SLC16A12: variants seen among roughly 807,000 people sequenced by gnomAD.
SLC16A12 encodes the protein monocarboxylate transporter 12.
A neutral mutation model predicts 42.4 loss-of-function variants in SLC16A12; 17 were observed. The ratio of observed to expected loss-of-function variants is 0.40; its 90% CI spans 0.27 to 0.60. The LOEUF is 0.60. Among genes scored for constraint, SLC16A12 ranks in the 20% least tolerant of loss-of-function variants. SLC16A12 has a pLI of 0.42. For synonymous variants in SLC16A12, 224 were observed against 229.4 expected (o/e 0.98, Z 0.21); for missense variants, 544 against 623.0 (o/e 0.87, Z 1.35).
intron 2 of SLC16A12, among the ~76,000 whole-genome samples, chr10:89,551,433 AC>A (rs1817550391): frequency 6.6e-6 from 1 of 152,036 alleles, no homozygotes; most frequent in Admixed American, 6.6e-5. Flanking sequence ...ATAGAGTGAG[AC>A]CCTGTCTCTA....
rs146055396 is a variant in SLC16A12 at position 89,492,864 on chromosome 10, G to A, written c.-46-30240C>T. 9.6e-3 allele frequency among the ~76,000 whole-genome samples: 1,464 copies of A among 151,992 alleles called. 11 individuals carry two copies. The highest frequency in any genetic ancestry group is 0.024 in the Middle Eastern group (7 of 294). On this transcript the variant is annotated intron_variant, in intron 2 of 7. Transcript: ENST00000371790. ...CTTTCCTTTAGGAAACAACACCTCA[G>A]TATTCCCATTCTCAGTTCAAGCGTC... is the stretch of plus-strand genomic sequence containing the variant.
intron 5 of SLC16A12, among the ~76,000 whole-genome samples, chr10:89,439,511 A>T (rs1006523047): frequency 2.0e-5 from 3 of 152,208 alleles, no homozygotes; most frequent in African/African-American, 7.2e-5. Context: ...GAAACTTATC[A>T]CTTCCTCCAT....
rs1491484005 is a variant in SLC16A12, at chr10:89,436,867, A to AG, written c.1029-549_1029-548insC. Among the ~76,000 whole-genome samples the AG allele has an allele frequency of 1.6e-4, 12 of 75,366 alleles. 1 individual carries two copies. In the South Asian group the frequency reaches 3.9e-3, roughly 24 times the overall value. The allele number at this position is 75,366 out of a possible 152,430, so 49.4% of individuals were successfully genotyped here. On this transcript the variant is annotated intron_variant, in intron 6 of 7. Coordinates refer to ENST00000371790, the MANE Select transcript of SLC16A12 (RefSeq NM_213606.4). Reference sequence around the variant, plus strand: ...AAAGAAAGAAAAGAAAGAAATAAAGAAAAAGAAAGAAAGAAAGAAAGAAAG... The same window carrying AG: ...AAAGAAAGAAAAGAAAGAAATAAAGAGAAAAGAAAGAAAGAAAGAAAGAAAG...
chr10:89,542,201 A>G (rs1843719419), intron 2 of SLC16A12, among the ~76,000 whole-genome samples: 1 of 152,168 alleles, frequency 6.6e-6, no homozygotes, highest in South Asian at 2.1e-4. Flanking sequence ...AAAATATTCA[A>G]TTTAGATCAT....
intron 2 of SLC16A12, among the ~76,000 whole-genome samples, chr10:89,528,565 G>A (rs1208141550): frequency 6.6e-6 from 1 of 151,860 alleles, no homozygotes; most frequent in East Asian, 1.9e-4. Flanking sequence ...TTCAACCATT[G>A]GGAAAAGCTT....
rs34798090 is a variant in SLC16A12 at position 89,431,003 on chromosome 10, A to ATT, written c.*2059_*2060dup. On this transcript the variant is annotated 3_prime_UTR_variant, in exon 8 of 8. Transcript: ENST00000371790. Reference sequence around the variant, plus strand: ...TTTGACATTTTACAGATACCTTCCAATTTTTTTTTTTTGAGATGGAGTCTT... The same window carrying ATT: ...TTTGACATTTTACAGATACCTTCCAATTTTTTTTTTTTTTGAGATGGAGTCTT... The ATT allele has an allele frequency of 1.3e-4, 32 of 254,596 alleles. No individual in the cohort carries two copies. The highest frequency in any genetic ancestry group is 2.7e-4 in the East Asian group (2 of 7,376). The allele number at this position is 254,596 out of a possible 1,614,324, so 15.8% of individuals were successfully genotyped here. A position where few individuals can be genotyped will look rare whatever the true frequency, so the allele number is the denominator to read the frequency against.
chr10:89,448,406 C>G (rs1020925831), intron 3 of SLC16A12, among the ~76,000 whole-genome samples: 3 of 152,092 alleles, frequency 2.0e-5, no homozygotes, highest in Non-Finnish European at 1.5e-5. Context: ...AACTTATCCA[C>G]CAAGATCAAG....
intron 2 of SLC16A12, among the ~76,000 whole-genome samples, chr10:89,529,979 C>T (rs1843519096): frequency 6.6e-6 from 1 of 152,156 alleles, no homozygotes; most frequent in South Asian, 2.1e-4. Context: ...ATTAGAAGCT[C>T]TCAGCAGTAA....
chr10:89,517,038 C>T (rs749934313), intron 2 of SLC16A12, among the ~76,000 whole-genome samples: 4 of 151,938 alleles, frequency 2.6e-5, no homozygotes, highest in East Asian at 1.9e-4. Flanking sequence ...GCCTGGGCAA[C>T]GCAACAAGAC....
chr10:89,504,946 A>G (rs2133827794), intron 2 of SLC16A12, among the ~76,000 whole-genome samples: 1 of 152,262 alleles, frequency 6.6e-6, no homozygotes, highest in African/African-American at 2.4e-5. Flanking sequence ...CATAAGTCTC[A>G]AGGCAAGAAG....
At chr10:89,451,008 A>G (rs1842088080) in intron 3 of SLC16A12, among the ~76,000 whole-genome samples, 1 of 152,216 alleles carries the variant, frequency 6.6e-6, no homozygotes, top group African/African-American at 2.4e-5. Context: ...AACCAGAAGC[A>G]ATAGTTTGCA....
At chr10:89,486,143 T>G (rs1231827853) in intron 2 of SLC16A12, among the ~76,000 whole-genome samples, 1 of 152,162 alleles carries the variant, frequency 6.6e-6, no homozygotes, top group Non-Finnish European at 1.5e-5. Flanking sequence ...CTCAGTTCTC[T>G]ATTCTATACT....
chr10:89,508,550 C>T (rs1843106934), intron 2 of SLC16A12, among the ~76,000 whole-genome samples: 1 of 151,786 alleles, frequency 6.6e-6, no homozygotes, highest in African/African-American at 2.4e-5. Flanking sequence ...ACACAACATA[C>T]CAGAATCTCT....
chr10:89,530,462 G>T (rs1437270016), intron 2 of SLC16A12, among the ~76,000 whole-genome samples: 2 of 150,842 alleles, frequency 1.3e-5, no homozygotes, highest in Non-Finnish European at 2.9e-5. Flanking sequence ...CTGTTGCCCA[G>T]GCTGGAGTGC....
At chr10:89,456,489 A>C (rs1451571951) in intron 3 of SLC16A12, among the ~76,000 whole-genome samples, 1 of 152,188 alleles carries the variant, frequency 6.6e-6, no homozygotes, top group Non-Finnish European at 1.5e-5. Context: ...TGAACAGAAT[A>C]GCCTGCAATT....
At chr10:89,435,297 C>G (rs2133677925) in intron 7 of SLC16A12, among the ~76,000 whole-genome samples, 1 of 152,290 alleles carries the variant, frequency 6.6e-6, no homozygotes, top group Non-Finnish European at 1.5e-5. Flanking sequence ...AAGCCACTTT[C>G]TCGAATTTCC....
intron 2 of SLC16A12, among the ~76,000 whole-genome samples, chr10:89,521,991 C>T (rs1377899111): frequency 2.0e-5 from 3 of 152,142 alleles, no homozygotes; most frequent in African/African-American, 7.2e-5. Context: ...AAGTCCAGAC[C>T]GTCCTTAGGA....
At chr10:89,501,055 CAAAAAACAAAA>C (rs1489072711) in intron 2 of SLC16A12, among the ~76,000 whole-genome samples, 1 of 151,198 alleles carries the variant, frequency 6.6e-6, no homozygotes, top group Non-Finnish European at 1.5e-5. Flanking sequence ...GCTGCAAAAA[CAAAAAACAAAA>C]AAAACAAAAC....
upstream of SLC16A12, among the ~76,000 whole-genome samples, chr10:89,540,345 C>T (rs771694462): frequency 1.2e-4 from 19 of 152,154 alleles, no homozygotes; most frequent in East Asian, 1.9e-4. Context: ...GCGATCCTCC[C>T]GCCTTGGCCT....
Sources: gnomAD v4.1 joint callset for allele counts (sites outside exome capture counted in the v4.1 genomes callset) on GRCh38, gnomAD v4.1.1 for gene constraint, MANE v1.5 for transcripts, NCBI Gene and HGNC (gene_info 2026-07-23, HGNC 2026-07-21) for gene names.